MCOLN2: variants seen among roughly 807,000 people sequenced by gnomAD.
MCOLN2 encodes mucolipin TRP cation channel 2, also known as mucolipin-2.
Under a neutral mutation model 67.5 loss-of-function variants are expected in MCOLN2, and 57 were observed. The observed-to-expected ratio is 0.84, with a 90% CI of 0.68 to 1.05. The LOEUF is 1.05. MCOLN2 is among the 50% of genes least tolerant of loss of function. The pLI, the probability that MCOLN2 is intolerant of heterozygous loss-of-function variation, is 0.00. For synonymous variants in MCOLN2, 246 were observed against 233.3 expected, an observed-to-expected ratio of 1.05 and a Z score of -0.50; for missense variants, 620 against 678.8, an observed-to-expected ratio of 0.91 and a Z score of 0.96.
At chr1:84,960,898 T>C (rs1389919790) in intron 2 of MCOLN2, among the ~76,000 whole-genome samples, 1 of 151,422 alleles carries the variant, frequency 6.6e-6, no homozygotes, top group Non-Finnish European at 1.5e-5. Flanking sequence ...GAACACTGCA[T>C]GGTACGGAAT....
At chr1:84,965,897 T>G (rs1400606555) in intron 1 of MCOLN2, among the ~76,000 whole-genome samples, 189 bp from the exon 2 acceptor site, 1 of 152,108 alleles carries the variant, frequency 6.6e-6, no homozygotes, top group Non-Finnish European at 1.5e-5. Context: ...TAAAACTACA[T>G]GAAAAATTAT....
intron 11 of MCOLN2, among the ~76,000 whole-genome samples, chr1:84,934,897 G>T (rs1203336395): frequency 6.6e-6 from 1 of 152,190 alleles, no homozygotes; most frequent in African/African-American, 2.4e-5. Flanking sequence ...CCTGAAATCA[G>T]ATGCCTAACA....
At chr1:84,954,355 T>C (rs1406153315) in intron 4 of MCOLN2, among the ~76,000 whole-genome samples, 1 of 152,162 alleles carries the variant, frequency 6.6e-6, no homozygotes, top group Non-Finnish European at 1.5e-5. Context: ...ATTAGTACAG[T>C]GAGGGAAGTT....
chr1:84,962,864 T>C (rs759407271), intron 2 of MCOLN2, among the ~76,000 whole-genome samples: 2 of 152,202 alleles, frequency 1.3e-5, no homozygotes, highest in Non-Finnish European at 2.9e-5. Flanking sequence ...TAGGGTTTTA[T>C]AGGAGTTTCT....
In MCOLN2 at chr1:84,930,065, C is replaced by A. The variant is rs376056330; in HGVS notation, c.1543-386G>T. Among the ~76,000 whole-genome samples the A allele has an allele frequency of 3.9e-5, 6 of 152,176 alleles. No individual in the cohort carries two copies. The East Asian group carries it at 9.7e-4, about 25-fold the overall frequency. On this transcript the variant is annotated intron_variant, in intron 12 of 13. Coordinates refer to ENST00000370608, the MANE Select transcript of MCOLN2 (RefSeq NM_153259.4). The stretch of plus-strand genomic sequence containing the variant: ...ATCGCTTGAGCCCAGGAGTTTGAGA[C>A]TGGCCTGGGCAAGATGGTGAGACCC...
intron 1 of MCOLN2, 73 bp downstream of exon 1, chr1:84,996,723 G>A: frequency 7.2e-7 from 1 of 1,380,726 alleles, no homozygotes; most frequent in Non-Finnish European, 1.0e-6. Context: ...TCTAGTCTAC[G>A]AAAGTAAAGC....
Position 84,937,791 on chromosome 1 carries a change from G to A in MCOLN2, c.1299C>T (p.Phe433=). 1 of 1,614,182 alleles carries A rather than the reference G, an allele frequency of 6.2e-7. No homozygotes were observed. Among genetic ancestry groups the A allele is most frequent in the Non-Finnish European group, 8.5e-7 (1 of 1,180,032 alleles). The change falls in exon 11 of 14, where the codon TTC becomes TTT. Residue 433 remains phenylalanine (F), a synonymous_variant. Coordinates refer to ENST00000370608, the MANE Select transcript of MCOLN2 (RefSeq NM_153259.4). ...ATGGTCCTAAGACAATCCAGCCACA[G>A]AATGTGTAACCCAGATAAATCATAC... ...CAGMIYLGYT[F]CGWIVLGPYH...
chr1:84,958,466 C>A, intron 3 of MCOLN2, 63 bp downstream of exon 3: 1 of 1,378,092 alleles, frequency 7.3e-7, no homozygotes, highest in South Asian at 1.4e-5. Context: ...TGTTTGTTGG[C>A]TAAGACAAGG....
At chr1:84,980,786 CCAAAG>C (rs1650216330) in intron 1 of MCOLN2, among the ~76,000 whole-genome samples, 1 of 152,072 alleles carries the variant, frequency 6.6e-6, no homozygotes, top group Non-Finnish European at 1.5e-5. Context: ...AAGCACAGAT[CCAAAG>C]CAAACATGAA....
chr1:84,930,269 T>TA (rs560944691), intron 12 of MCOLN2, among the ~76,000 whole-genome samples: 4,508 of 143,930 alleles, frequency 0.031, 220 homozygotes, highest in African/African-American at 0.099. Context: ...TCTCTTTTTT[T>TA]AAAAAAAAAA....
intron 13 of MCOLN2, among the ~76,000 whole-genome samples, chr1:84,927,784 G>C (rs1203984845): frequency 6.6e-6 from 1 of 152,108 alleles, no homozygotes; most frequent in African/African-American, 2.4e-5. Context: ...TCTGTCCCTA[G>C]CTTTTATTTT....
chr1:84,931,604 A>G lies in MCOLN2; in HGVS notation c.1336-36T>C, dbSNP rs761593621. 3.9e-6 allele frequency: 6 copies of G among 1,537,388 alleles called. No homozygotes were observed. In the South Asian group the frequency reaches 6.8e-5, roughly 17 times the overall value. ...AAATAAAAACTAGTTTCTGAAATAG[A>G]GTATTCTAAAAAGCAGAGGATATCT... On this transcript the variant is annotated intron_variant, in intron 11 of 13. Coordinates refer to ENST00000370608, the MANE Select transcript of MCOLN2 (RefSeq NM_153259.4).
chr1:84,929,555 G>A lies in MCOLN2; in HGVS notation c.1664+3C>T. On this transcript the variant is annotated splice_donor_region_variant and intron_variant, in intron 13 of 13. Coordinates refer to ENST00000370608, the MANE Select transcript of MCOLN2 (RefSeq NM_153259.4). ...GAGCATGGAGAATAAACATGATACT[G>A]ACCTCCTCCGACAGCAGATGCAGGA... is the stretch of plus-strand genomic sequence containing the variant. 2 of 1,611,862 alleles carry A rather than the reference G, an allele frequency of 1.2e-6. No homozygotes were observed. Among genetic ancestry groups the A allele is most frequent in the Non-Finnish European group, 1.7e-6 (2 of 1,178,564 alleles).
chr1:84,959,939 G>A (rs565690465), intron 2 of MCOLN2, among the ~76,000 whole-genome samples: 5 of 152,226 alleles, frequency 3.3e-5, no homozygotes, highest in South Asian at 2.1e-4. Context: ...GTGGCCTGTG[G>A]CTGTAGTCCC....
At chr1:84,939,000 C>T (rs1158600266) in intron 9 of MCOLN2, among the ~76,000 whole-genome samples, 3 of 152,010 alleles carry the variant, frequency 2.0e-5, no homozygotes, top group Non-Finnish European at 4.4e-5. Context: ...CAGAGGGAGC[C>T]GGGATGGGAG....
intron 11 of MCOLN2, among the ~76,000 whole-genome samples, chr1:84,932,131 G>T (rs1446616206): frequency 6.6e-6 from 1 of 151,684 alleles, no homozygotes; most frequent in African/African-American, 2.4e-5. Context: ...TCTAAAACCA[G>T]GATCTAACAA....
At chr1:84,993,619 CTTTTTT>C (rs869075778) in intron 1 of MCOLN2, among the ~76,000 whole-genome samples, 4 of 118,530 alleles carry the variant, frequency 3.4e-5, no homozygotes, top group East Asian at 2.3e-4. Flanking sequence ...TAAATAATGT[CTTTTTT>C]TTTTTTTTTT....
At chr1:84,959,790 A>G (rs1199919483) in intron 2 of MCOLN2, among the ~76,000 whole-genome samples, 1 of 152,254 alleles carries the variant, frequency 6.6e-6, no homozygotes, top group East Asian at 1.9e-4. Flanking sequence ...ATGTAAAATT[A>G]GCAAGTGTAA....
intron 2 of MCOLN2, among the ~76,000 whole-genome samples, chr1:84,962,259 T>C (rs772635549): frequency 3.3e-5 from 5 of 152,234 alleles, no homozygotes; most frequent in African/African-American, 1.2e-4. Flanking sequence ...AAAGTAAAAT[T>C]AGTAGGCTGG....
Sources: gnomAD v4.1 joint callset for allele counts (sites outside exome capture counted in the v4.1 genomes callset) on GRCh38, gnomAD v4.1.1 for gene constraint, MANE v1.5 for transcripts, NCBI Gene and HGNC (gene_info 2026-07-23, HGNC 2026-07-21) for gene names.